Variants in MAML2 observed in about 807,000 individuals in gnomAD.
MAML2 encodes the protein mastermind-like protein 2.
Under a neutral mutation model 96.1 loss-of-function variants are expected in MAML2, and 22 were observed. The observed-to-expected ratio is 0.23, with a 90% confidence interval of 0.16 to 0.33. The LOEUF (loss-of-function observed/expected upper bound fraction) is 0.33, where lower values mean the gene tolerates loss of function less well. Ranked by LOEUF, MAML2 falls within the 10% of genes least tolerant of loss-of-function variation. The probability of loss-of-function intolerance (pLI) is 1.00; values close to 1 mark genes in which losing one functional copy is unlikely to be tolerated. For synonymous variants in MAML2, 561 were observed against 521.3 expected, an observed-to-expected ratio of 1.08 and a Z score of -1.04; for missense variants, 1,367 against 1,392.4, an observed-to-expected ratio of 0.98 and a Z score of 0.29.
intron 1 of MAML2, among the ~76,000 whole-genome samples, chr11:96,216,797 G>C (rs1414868549): frequency 6.6e-6 from 1 of 152,176 alleles, no homozygotes; most frequent in African/African-American, 2.4e-5. Context: ...TGAATTCAGG[G>C]CTGGAGCAAC....
chr11:96,019,422 T>A (rs1468570776), intron 2 of MAML2, among the ~76,000 whole-genome samples: 1 of 152,014 alleles, frequency 6.6e-6, no homozygotes, highest in African/African-American at 2.4e-5. Flanking sequence ...AGGAAGCTAT[T>A]AGCTTCAACA....
At chr11:96,263,696 A>T (rs1862781723) in intron 1 of MAML2, among the ~76,000 whole-genome samples, 1 of 152,216 alleles carries the variant, frequency 6.6e-6, no homozygotes, top group Admixed American at 6.5e-5. Context: ...GCCACAAGGG[A>T]AATTCCTTTT....
intron 1 of MAML2, among the ~76,000 whole-genome samples, chr11:96,277,136 C>T (rs1028591535): frequency 1.3e-5 from 2 of 152,204 alleles, no homozygotes; most frequent in Non-Finnish European, 2.9e-5. Flanking sequence ...AGAGAGGAGT[C>T]ACCCACGGAA....
At chr11:96,307,768 A>G (rs1863485233) in intron 1 of MAML2, among the ~76,000 whole-genome samples, 1 of 152,182 alleles carries the variant, frequency 6.6e-6, no homozygotes, top group Non-Finnish European at 1.5e-5. Context: ...TAGGGGTGCC[A>G]GTCTCTTCTC....
intron 1 of MAML2, among the ~76,000 whole-genome samples, chr11:96,206,983 T>C (rs1861905097): frequency 2.0e-5 from 3 of 152,208 alleles, no homozygotes; most frequent in African/African-American, 7.2e-5. Flanking sequence ...CAGGGAAATA[T>C]CATCGCCCAA....
intron 1 of MAML2, among the ~76,000 whole-genome samples, chr11:96,096,516 A>G (rs1044011499): frequency 6.6e-6 from 1 of 152,192 alleles, no homozygotes; most frequent in Non-Finnish European, 1.5e-5. Context: ...AAGGACAGAC[A>G]GAGTAAGCAA....
chr11:96,112,712 T>C (rs77120368), intron 1 of MAML2, among the ~76,000 whole-genome samples: 1,979 of 152,372 alleles, frequency 0.013, 27 homozygotes, highest in Non-Finnish European at 0.021. Context: ...ATGTGTCTGA[T>C]ATCTATGCAT....
At chr11:96,318,393 A>C (rs2136009161) in intron 1 of MAML2, among the ~76,000 whole-genome samples, 1 of 152,360 alleles carries the variant, frequency 6.6e-6, no homozygotes, top group African/African-American at 2.4e-5. Context: ...AATATACTTT[A>C]CTTCCTCACT....
At chr11:96,250,183 A>G (rs1862563922) in intron 1 of MAML2, among the ~76,000 whole-genome samples, 1 of 152,170 alleles carries the variant, frequency 6.6e-6, no homozygotes. Context: ...ATGAGTATAC[A>G]TCCATCTAGG....
chr11:96,185,046 A>T (rs878908825), intron 1 of MAML2, among the ~76,000 whole-genome samples: 1 of 152,216 alleles, frequency 6.6e-6, no homozygotes, highest in Admixed American at 6.5e-5. Flanking sequence ...GATTTTATTC[A>T]TCCAATTGGC....
At chr11:96,153,344 C>A (rs1860955777) in intron 1 of MAML2, among the ~76,000 whole-genome samples, 1 of 152,094 alleles carries the variant, frequency 6.6e-6, no homozygotes, top group Admixed American at 6.5e-5. Context: ...TCCCTGGGGT[C>A]AACCCACTTG....
intron 2 of MAML2, among the ~76,000 whole-genome samples, chr11:96,060,711 A>T (rs1475030492): frequency 6.6e-6 from 1 of 152,202 alleles, no homozygotes; most frequent in Non-Finnish European, 1.5e-5. Context: ...TTTCAATGCT[A>T]CTACTCCCTG....
intron 1 of MAML2, among the ~76,000 whole-genome samples, chr11:96,315,993 T>TG (rs1863627100): frequency 6.6e-6 from 1 of 152,246 alleles, no homozygotes; most frequent in African/African-American, 2.4e-5. Flanking sequence ...CTTGCCATCA[T>TG]TCAGCAATAT....
intron 1 of MAML2, among the ~76,000 whole-genome samples, chr11:96,325,280 T>G (rs1343299831): frequency 6.6e-6 from 1 of 152,190 alleles, no homozygotes; most frequent in Non-Finnish European, 1.5e-5. Context: ...GACTGATGCT[T>G]ACTAGTGGAG....
chr11:96,094,575 A>G (rs6483478), intron 1 of MAML2, among the ~76,000 whole-genome samples: 1 of 152,008 alleles, frequency 6.6e-6, no homozygotes, highest in Non-Finnish European at 1.5e-5. Flanking sequence ...TCATTCACAA[A>G]CTAGCAATCA....
At chr11:96,171,209 C>G (rs1861289827) in intron 1 of MAML2, among the ~76,000 whole-genome samples, 1 of 152,094 alleles carries the variant, frequency 6.6e-6, no homozygotes, top group South Asian at 2.1e-4. Flanking sequence ...ACTGGGCTAT[C>G]AGATTGTATG....
chr11:96,196,844 C>T (rs1861739058), intron 1 of MAML2, among the ~76,000 whole-genome samples: 1 of 146,632 alleles, frequency 6.8e-6, no homozygotes, highest in Non-Finnish European at 1.5e-5. Flanking sequence ...CCTATACCTT[C>T]TATAGTCCAA....
At chr11:96,017,561 A>C (rs1471515967) in intron 2 of MAML2, among the ~76,000 whole-genome samples, 1 of 152,318 alleles carries the variant, frequency 6.6e-6, no homozygotes, top group East Asian at 1.9e-4. Context: ...TTAACAAATA[A>C]TATATGATGA....
chr11:96,038,294 T>C (rs1300971949), intron 2 of MAML2, among the ~76,000 whole-genome samples: 1 of 152,230 alleles, frequency 6.6e-6, no homozygotes, highest in Non-Finnish European at 1.5e-5. Flanking sequence ...TATATCGACA[T>C]ACACATCTTC....
Sources: allele counts gnomAD v4.1 joint callset (sites outside exome capture counted in the v4.1 genomes callset), GRCh38; gene constraint gnomAD v4.1.1; transcripts MANE v1.5; gene names NCBI Gene and HGNC (gene_info 2026-07-23, HGNC 2026-07-21).